TPRG1: variants seen among roughly 807,000 people sequenced by gnomAD.
TPRG1 encodes the protein tumor protein p63-regulated gene 1 protein.
In TPRG1, 29 loss-of-function variants were observed where a neutral mutation model predicts 29.3. That is an observed-to-expected ratio of 0.99 (90% CI 0.74 to 1.35). TPRG1 has a LOEUF of 1.35. Ranked by LOEUF, TPRG1 falls within the 40% of genes most tolerant of loss-of-function variation. The pLI, the probability that TPRG1 is intolerant of heterozygous loss-of-function variation, is 0.00. For synonymous variants in TPRG1, 130 were observed against 116.8 expected (o/e 1.11, Z -0.73); for missense variants, 327 against 335.0 (o/e 0.98, Z 0.19).
At chr3:189,301,739 G>A (rs1000209373) in intron 4 of TPRG1, among the ~76,000 whole-genome samples, 3 of 152,090 alleles carry the variant, frequency 2.0e-5, no homozygotes, top group African/African-American at 4.8e-5. Flanking sequence ...GCTTAGCCAC[G>A]GGTTCCATTC....
chr3:189,027,286 C>T (rs1713712737), intron 4 of TPRG1, among the ~76,000 whole-genome samples: 2 of 152,130 alleles, frequency 1.3e-5, no homozygotes, highest in African/African-American at 4.8e-5. Flanking sequence ...TCTGACCCTG[C>T]CAAAAGAAAC....
At chr3:189,292,800 T>C (rs759734418) in intron 4 of TPRG1, among the ~76,000 whole-genome samples, 16 of 152,338 alleles carry the variant, frequency 1.1e-4, no homozygotes, top group Admixed American at 8.5e-4. Flanking sequence ...TACAAGATTT[T>C]GTTATTAAAT....
At chr3:189,174,797 T>C (rs1006526894) in intron 1 of TPRG1, among the ~76,000 whole-genome samples, 1 of 152,172 alleles carries the variant, frequency 6.6e-6, no homozygotes, top group Non-Finnish European at 1.5e-5. Flanking sequence ...AATATTTAGA[T>C]GCCTATAAAA....
intron 2 of TPRG1, among the ~76,000 whole-genome samples, chr3:189,129,125 A>AT (rs1722823675): frequency 6.6e-6 from 1 of 152,084 alleles, no homozygotes; most frequent in Admixed American, 6.6e-5. Context: ...TATTTCATCA[A>AT]TTTTTTCACA....
chr3:189,232,211 G>A (rs961346686), intron 3 of TPRG1, among the ~76,000 whole-genome samples: 4 of 151,896 alleles, frequency 2.6e-5, no homozygotes, highest in African/African-American at 9.7e-5. Flanking sequence ...GTCTTTTATG[G>A]GGATACTCTG....
chr3:189,206,607 CCT>C (rs1187345823), intron 1 of TPRG1, among the ~76,000 whole-genome samples: 1 of 151,142 alleles, frequency 6.6e-6, no homozygotes, highest in African/African-American at 2.4e-5. Flanking sequence ...CTCAGGTGAA[CCT>C]CCCACCTCAG....
chr3:189,191,395 CT>C (rs1428775757), intron 1 of TPRG1, among the ~76,000 whole-genome samples: 1 of 152,040 alleles, frequency 6.6e-6, no homozygotes, highest in Non-Finnish European at 1.5e-5. Context: ...GTGCTCTGAC[CT>C]TTATTACTTT....
At chr3:189,090,415 G>GTGTT (rs10649472) in intron 4 of TPRG1, among the ~76,000 whole-genome samples, 21,015 of 151,854 alleles carry the variant, frequency 0.14, 2,494 homozygotes, top group African/African-American at 0.33. Context: ...GATATGCAAA[G>GTGTT]TGGAAAAAAT....
intron 4 of TPRG1, among the ~76,000 whole-genome samples, chr3:189,262,218 A>ATAAGTATAAG: frequency 6.6e-6 from 1 of 150,714 alleles, no homozygotes; most frequent in East Asian, 1.9e-4. Flanking sequence ...AAGTATAAGT[A>ATAAGTATAAG]TAAGTATAAG....
chr3:189,013,636 A>G (rs1486483593), intron 3 of TPRG1, among the ~76,000 whole-genome samples: 1 of 152,058 alleles, frequency 6.6e-6, no homozygotes, highest in Non-Finnish European at 1.5e-5. Flanking sequence ...GTATCCCACT[A>G]TTATTGTGTG....
intron 1 of TPRG1, among the ~76,000 whole-genome samples, chr3:189,204,712 G>A (rs1734043249): frequency 1.3e-5 from 2 of 152,120 alleles, no homozygotes; most frequent in African/African-American, 2.4e-5. Context: ...CTGTTGTTAG[G>A]CGTGTGTTCA....
intron 1 of TPRG1, among the ~76,000 whole-genome samples, chr3:189,183,610 CA>C (rs2108707637): frequency 6.6e-6 from 1 of 152,116 alleles, no homozygotes; most frequent in Admixed American, 6.6e-5. Flanking sequence ...CCCCCAGGCA[CA>C]TATTCTCTTT....
upstream of TPRG1, among the ~76,000 whole-genome samples, chr3:189,095,267 G>T (rs1718599122): frequency 6.6e-6 from 1 of 152,172 alleles, no homozygotes; most frequent in East Asian, 1.9e-4. Context: ...ATGAAGACTG[G>T]CAAGGTTTCT....
chr3:189,119,919 G>A (rs550237740), intron 1 of TPRG1, among the ~76,000 whole-genome samples: 35 of 152,284 alleles, frequency 2.3e-4, no homozygotes, highest in East Asian at 9.6e-4. Context: ...TGGCTCAGCC[G>A]TGGCAGACAC....
At chr3:189,055,955 A>G (rs1410472876) in intron 4 of TPRG1, among the ~76,000 whole-genome samples, 1 of 150,654 alleles carries the variant, frequency 6.6e-6, no homozygotes, top group Non-Finnish European at 1.5e-5. Flanking sequence ...TTCCCTGTCC[A>G]TTTGCTCTTT....
chr3:189,077,409 A>T (rs2152163676), intron 4 of TPRG1, among the ~76,000 whole-genome samples: 1 of 151,794 alleles, frequency 6.6e-6, no homozygotes, highest in Admixed American at 6.6e-5. Flanking sequence ...GGCAACTAAT[A>T]GTTAGTTAGT....
intron 1 of TPRG1, among the ~76,000 whole-genome samples, chr3:189,178,418 A>G (rs1729779606): frequency 6.6e-6 from 1 of 152,130 alleles, no homozygotes; most frequent in Admixed American, 6.5e-5. Flanking sequence ...AGTCCCAGCT[A>G]CTCGCAAGGC....
At position 189,320,930 on chromosome 3, in the gene TPRG1, C is replaced by A; in HGVS notation, c.*110C>A. 1 of 1,038,358 alleles carries A rather than the reference C, an allele frequency of 9.6e-7. No individual in the cohort carries two copies. The highest frequency in any genetic ancestry group is 1.3e-6 in the Non-Finnish European group (1 of 751,996). The allele number at this position is 1,038,358 out of a possible 1,614,324, so 64.3% of individuals were successfully genotyped here. ...AACAATTAATTATTTTTAAATGACG[C>A]TTTATGATTTAGAAATTTAGTATTT... is the stretch of plus-strand genomic sequence containing the variant. On this transcript the variant is annotated 3_prime_UTR_variant, in exon 6 of 6. Transcript: ENST00000345063.
chr3:189,230,995 T>C (rs939939999), intron 3 of TPRG1, among the ~76,000 whole-genome samples: 12 of 152,136 alleles, frequency 7.9e-5, no homozygotes, highest in African/African-American at 2.4e-4. Flanking sequence ...TCTAAATGAA[T>C]GTAGCATAAC....
Sources: allele counts gnomAD v4.1 joint callset (sites outside exome capture counted in the v4.1 genomes callset), GRCh38; gene constraint gnomAD v4.1.1; transcripts MANE v1.5; gene names NCBI Gene and HGNC (gene_info 2026-07-23, HGNC 2026-07-21).